The following ATP7A variants were observed in gnomAD, a reference collection of about 807,000 sequenced individuals.
ATP7A encodes ATPase copper transporting alpha, also known as copper-transporting ATPase 1.
Under a neutral mutation model 83.5 loss-of-function variants are expected in ATP7A, and 7 were observed. That is an observed-to-expected ratio of 0.08 (90% CI 0.05 to 0.16). The LOEUF (loss-of-function observed/expected upper bound fraction) is 0.16, where lower values mean the gene tolerates loss of function less well. ATP7A is among the 10% of genes least tolerant of loss of function. The pLI is 1.00. For missense variants in ATP7A, 940 were observed against 1,120.8 expected (o/e 0.84, Z 2.30); for synonymous variants, 354 against 395.2 (o/e 0.90, Z 1.24).
At chrX:77,918,156 T>G (rs1242567737) in intron 1 of ATP7A, among the ~76,000 whole-genome samples, 1 of 106,617 alleles carries the variant, frequency 9.4e-6, no homozygotes, top group Non-Finnish European at 1.9e-5. Flanking sequence ...AGCCTCAACC[T>G]CCTGGGCTCA....
At position 77,998,916 on chromosome X, in the gene ATP7A, A is replaced by T. The variant is rs990500849; in HGVS notation, c.1543+232A>T. ...CATTTGTATATCTATGAAATTCGTTAAAAAAAAATAGCAGAAAGAAATACA... is the reference window on the plus strand; with the variant it reads ...CATTTGTATATCTATGAAATTCGTTTAAAAAAAATAGCAGAAAGAAATACA... On this transcript the variant is annotated intron_variant, in intron 5 of 22. Coordinates refer to ENST00000341514, the MANE Select transcript of ATP7A (RefSeq NM_000052.7). Among the ~76,000 whole-genome samples, 3 of 105,425 alleles carry T rather than the reference A, an allele frequency of 2.8e-5. No homozygotes were observed. The Admixed American group carries it at 3.0e-4, about 10-fold the overall frequency. The allele number at this position is 105,425 out of a possible 115,157, so 91.5% of individuals were successfully genotyped here. A position where few individuals can be genotyped will look rare whatever the true frequency, so the allele number is the denominator to read the frequency against.
At chrX:77,936,812 T>A (rs1264423047) in intron 1 of ATP7A, among the ~76,000 whole-genome samples, 7 of 112,508 alleles carry the variant, frequency 6.2e-5, no homozygotes, top group Non-Finnish European at 1.3e-4. Context: ...TTAAATCAAA[T>A]TTTTGTTTAA....
At chrX:78,032,709 A>T (rs1557237257) in intron 16 of ATP7A, among the ~76,000 whole-genome samples, 8 of 111,949 alleles carry the variant, frequency 7.1e-5, no homozygotes, top group Non-Finnish European at 1.3e-4. Context: ...GAATTGTCTC[A>T]CATTAATTTT....
rs188836609 is a variant in ATP7A at position 77,988,596 on chromosome X, G to A, written c.475G>A (p.Ala159Thr). The change falls in exon 3 of 23, where the codon GCT becomes ACT. Residue 159 changes from alanine to threonine, a missense_variant. This residue lies in a region of ATP7A where 350 missense variants were observed against 432.8 expected (regional missense o/e 0.81). Transcript: ENST00000341514. The stretch of plus-strand genomic sequence containing the variant: ...TGGGACACTGGAGAAAAAGTCAGGA[G>A]CTTGTGAAGATCATAGTATGGCTCA... ...DTGTLEKKSG[A>T]CEDHSMAQAG... 1.1e-5 allele frequency: 13 copies of A among 1,210,124 alleles called. No homozygotes were observed. The East Asian group carries it at 2.1e-4, about 19-fold the overall frequency.
In ATP7A at chrX:78,048,189, G is replaced by C. The variant is rs2078093613; in HGVS notation, c.*1619G>C. 8.9e-6 allele frequency: 1 copy of C among 112,080 alleles called. No homozygotes were observed. Among genetic ancestry groups the C allele is most frequent in the East Asian group, 2.8e-4 (1 of 3,578 alleles). The allele number at this position is 112,080 out of a possible 1,213,427, so 9.2% of individuals were successfully genotyped here. A position where few individuals can be genotyped will look rare whatever the true frequency, so the allele number is the denominator to read the frequency against. Reference sequence around the variant, plus strand: ...TTTAGAAATTCCCTTGTGAGTGCCTGGTAGCTAATACACTGGTCAGAGATC... The same window carrying C: ...TTTAGAAATTCCCTTGTGAGTGCCTCGTAGCTAATACACTGGTCAGAGATC... On this transcript the variant is annotated 3_prime_UTR_variant, in exon 23 of 23. Coordinates refer to ENST00000341514, the MANE Select transcript of ATP7A (RefSeq NM_000052.7).
At chrX:77,946,900 T>C (rs1339657660) in intron 1 of ATP7A, among the ~76,000 whole-genome samples, 2 of 111,480 alleles carry the variant, frequency 1.8e-5, no homozygotes, top group African/African-American at 6.5e-5. Context: ...GCTCCACTTC[T>C]GGACGTATAC....
At chrX:77,948,444 G>A (rs782105129) in intron 1 of ATP7A, among the ~76,000 whole-genome samples, 44 of 112,232 alleles carry the variant, frequency 3.9e-4, no homozygotes, top group African/African-American at 1.4e-3. Context: ...TTTTAAAAAA[G>A]TGTCTGCCTT....
chrX:77,968,859 C>A (rs782136628), intron 1 of ATP7A: 2 of 1,210,329 alleles, frequency 1.7e-6, no homozygotes, highest in African/African-American at 1.7e-5. Flanking sequence ...GGGACAGTAT[C>A]CTCCCCGCTG....
At position 77,945,654 on chromosome X, in the gene ATP7A, A is replaced by C. The variant is rs781946805; in HGVS notation, c.-21-25967A>C. On this transcript the variant is annotated intron_variant, in intron 1 of 22. Transcript: ENST00000341514. ...TTACACAATAAAATTGCAGAGCTAC[A>C]TAGTAGCAGAATAGTAATTTGCCAA... Among the ~76,000 whole-genome samples the C allele has an allele frequency of 2.7e-5, 3 of 112,550 alleles. No individual in the cohort carries two copies. In the East Asian group the frequency reaches 8.3e-4, roughly 31 times the overall value.
At chrX:77,992,745 G>T (rs1406571875) in intron 4 of ATP7A, among the ~76,000 whole-genome samples, 1 of 110,646 alleles carries the variant, frequency 9.0e-6, no homozygotes, top group Non-Finnish European at 1.9e-5. Context: ...CTGAGTAGCT[G>T]GGATTACAGG....
At chrX:77,974,017 A>C (rs2077562913) in intron 2 of ATP7A, among the ~76,000 whole-genome samples, 1 of 111,581 alleles carries the variant, frequency 9.0e-6, no homozygotes, top group Non-Finnish European at 1.9e-5. Context: ...GTTTAATTTC[A>C]GGTGTTCATT....
At chrX:77,937,887 TCACACACA>T (rs782049494) in intron 1 of ATP7A, among the ~76,000 whole-genome samples, 1 of 101,018 alleles carries the variant, frequency 9.9e-6, no homozygotes, top group Non-Finnish European at 2.0e-5. Context: ...TCTCTCTCTC[TCACACACA>T]CACACACACA....
chrX:78,041,103 A>T (rs2078044702), intron 19 of ATP7A, among the ~76,000 whole-genome samples: 1 of 110,590 alleles, frequency 9.0e-6, no homozygotes, highest in African/African-American at 3.3e-5. Flanking sequence ...GTCCATCCTA[A>T]ATACCACCAC....
rs1250526933 is a variant in ATP7A, at chrX:78,037,427, A to C, written c.3512-1409A>C. Among the ~76,000 whole-genome samples the C allele has an allele frequency of 2.7e-5, 3 of 112,611 alleles. No individual in the cohort carries two copies. In the East Asian group the frequency reaches 8.3e-4, roughly 31 times the overall value. On this transcript the variant is annotated intron_variant, in intron 17 of 22. Transcript: ENST00000341514. The stretch of plus-strand genomic sequence containing the variant: ...TAGTGGCTATTGTATTAAACATAGC[A>C]GATATAGAACATTTCTAATATCACA...
intron 1 of ATP7A, among the ~76,000 whole-genome samples, chrX:77,950,267 C>G (rs2037562539): frequency 8.9e-6 from 1 of 111,936 alleles, no homozygotes; most frequent in Admixed American, 9.5e-5. Context: ...TCTGTCTCCT[C>G]CCTTCTCCCT....
At chrX:78,001,132 C>T (rs1292105632) in intron 5 of ATP7A, among the ~76,000 whole-genome samples, 3 of 111,526 alleles carry the variant, frequency 2.7e-5, no homozygotes, top group Admixed American at 9.6e-5. Context: ...TCAGCTGAAG[C>T]AAAAAGATTT....
intron 1 of ATP7A, among the ~76,000 whole-genome samples, chrX:77,918,872 C>T (rs1356745557): frequency 9.0e-6 from 1 of 111,469 alleles, no homozygotes. Flanking sequence ...CTACTACATC[C>T]AGCAGCCGTG....
rs2077996609 is a variant in ATP7A, at chrX:78,033,773, G to C, written c.3463G>C (p.Glu1155Gln). 1 of 1,209,339 alleles carries C rather than the reference G, an allele frequency of 8.3e-7. No individual in the cohort carries two copies. Among genetic ancestry groups the C allele is most frequent in the Non-Finnish European group, 1.1e-6 (1 of 895,004 alleles). Residue 1155 changes from glutamate to glutamine, a missense_variant, in exon 17 of 23, where the codon GAA (glutamate) becomes CAA (glutamine). Around this residue, in one of 3 missense-constraint regions of ATP7A, gnomAD observed 386 missense variants for 502.2 expected, o/e 0.77. Coordinates refer to ENST00000341514, the MANE Select transcript of ATP7A (RefSeq NM_000052.7). Reference sequence around the variant, plus strand: ...CCTGGTTCAAATTGATGCCAGTAATGAACAGTCATCAACTTCGTCTTCCAT... The same window carrying C: ...CCTGGTTCAAATTGATGCCAGTAATCAACAGTCATCAACTTCGTCTTCCAT... ...ASLVQIDASN[E>Q]QSSTSSSMII... is the part of the protein sequence containing the mutation.
At chrX:77,987,285 G>A (rs1557231450) in intron 2 of ATP7A, among the ~76,000 whole-genome samples, 2 of 111,478 alleles carry the variant, frequency 1.8e-5, no homozygotes, top group African/African-American at 3.3e-5. Context: ...CTGCTGTTAC[G>A]AAGAACTTTC....
Sources: allele counts gnomAD v4.1 joint callset (sites outside exome capture counted in the v4.1 genomes callset), GRCh38; gene constraint gnomAD v4.1.1; regional missense constraint gnomAD v4.1.1; transcripts MANE v1.5; gene names NCBI Gene and HGNC (gene_info 2026-07-23, HGNC 2026-07-21).